The following CACNG2 variants were observed in gnomAD, a reference collection of about 807,000 sequenced individuals.
CACNG2 encodes calcium voltage-gated channel auxiliary subunit gamma 2, also known as voltage-dependent calcium channel gamma-2 subunit.
In CACNG2, 3 loss-of-function variants were observed where a neutral mutation model predicts 25.9. That is an observed-to-expected ratio of 0.12 (90% confidence interval 0.05 to 0.30). The LOEUF is 0.30. CACNG2 is among the 10% of genes least tolerant of loss of function. The pLI is 1.00. For missense variants in CACNG2, 341 were observed against 432.5 expected, an observed-to-expected ratio of 0.79 and a Z score of 1.88; for synonymous variants, 167 against 173.3, an observed-to-expected ratio of 0.96 and a Z score of 0.29.
At chr22:36,649,173 C>T (rs1029407141) in intron 1 of CACNG2, among the ~76,000 whole-genome samples, 7 of 152,212 alleles carry the variant, frequency 4.6e-5, no homozygotes, top group African/African-American at 1.7e-4. Flanking sequence ...CTCCCCCGGC[C>T]TCAATCTTCT....
intron 1 of CACNG2, among the ~76,000 whole-genome samples, chr22:36,590,583 A>G (rs1935575499): frequency 6.6e-6 from 1 of 152,064 alleles, no homozygotes; most frequent in South Asian, 2.1e-4. Flanking sequence ...CTGAGACAGC[A>G]CCGCCCACTA....
At position 36,653,039 on chromosome 22, in the gene CACNG2, G is replaced by A. The variant is rs568964351; in HGVS notation, c.211+49327C>T. 3.3e-5 allele frequency among the ~76,000 whole-genome samples: 5 copies of A among 152,082 alleles called. No individual in the cohort carries two copies. The South Asian group carries it at 6.2e-4, about 19-fold the overall frequency. ...TATTGTTGTTGTTATTTTAAAATTC[G>A]AGCCAGGTGCAGTGGCTCATGCCTG... On this transcript the variant is annotated intron_variant, in intron 1 of 3. Transcript: ENST00000300105.
chr22:36,663,112 A>G (rs1936823733), intron 1 of CACNG2, among the ~76,000 whole-genome samples: 1 of 152,060 alleles, frequency 6.6e-6, no homozygotes, highest in African/African-American at 2.4e-5. Flanking sequence ...ATGGTTTAAG[A>G]TAAGTTCTCA....
intron 2 of CACNG2, among the ~76,000 whole-genome samples, chr22:36,574,420 T>C (rs1184185702): frequency 6.6e-6 from 1 of 152,086 alleles, no homozygotes; most frequent in African/African-American, 2.4e-5. Context: ...GGTTTCAGAC[T>C]TGCCAGCTGG....
At chr22:36,657,244 G>A (rs1936720756) in intron 1 of CACNG2, among the ~76,000 whole-genome samples, 1 of 152,240 alleles carries the variant, frequency 6.6e-6, no homozygotes, top group Non-Finnish European at 1.5e-5. Flanking sequence ...GAGAGATCCA[G>A]TGGCTCTGGG....
intron 1 of CACNG2, among the ~76,000 whole-genome samples, chr22:36,595,601 TGGGTGA>T (rs1165526764): frequency 2.6e-5 from 4 of 151,034 alleles, no homozygotes; most frequent in Non-Finnish European, 4.4e-5. Context: ...GAGGGCTGGG[TGGGTGA>T]GGGTGAGGGT....
intron 1 of CACNG2, among the ~76,000 whole-genome samples, chr22:36,698,728 A>G (rs1169097254): frequency 6.6e-6 from 1 of 152,182 alleles, no homozygotes; most frequent in Non-Finnish European, 1.5e-5. Flanking sequence ...CTGGACAGAG[A>G]GTAAGATTTC....
At chr22:36,690,351 A>G (rs1363444629) in intron 1 of CACNG2, among the ~76,000 whole-genome samples, 3 of 113,398 alleles carry the variant, frequency 2.6e-5, no homozygotes, top group African/African-American at 9.6e-5. Flanking sequence ...GGGTTACAAA[A>G]ATCTTTTTTT....
Position 36,606,757 on chromosome 22 carries a change from C to CGT in CACNG2, c.212-19211_212-19210dup, listed in dbSNP as rs34178354. Among the ~76,000 whole-genome samples the CGT allele has an allele frequency of 0.17, 25,092 of 147,938 alleles. 2,309 individuals are homozygous for CGT. Among genetic ancestry groups the CGT allele is most frequent in the Non-Finnish European group, 0.22 (14,685 of 66,838 alleles). On this transcript the variant is annotated intron_variant, in intron 1 of 3. Transcript: ENST00000300105. This position sits in a 1 kb window ranked among gnomAD's most constrained non-coding sequence, Gnocchi z 5.7. Reference sequence around the variant, plus strand: ...ACGGAAACCAGACGGTTGGGCTGTGCGTGTGTGTGTGTGTGTGTGTGTATG... The same window carrying CGT: ...ACGGAAACCAGACGGTTGGGCTGTGCGTGTGTGTGTGTGTGTGTGTGTGTATG...
intron 1 of CACNG2, among the ~76,000 whole-genome samples, chr22:36,697,174 A>G (rs996347786): frequency 6.6e-6 from 1 of 152,200 alleles, no homozygotes; most frequent in Admixed American, 6.5e-5. Flanking sequence ...CCTTAGACTC[A>G]GCTACTCAGC....
At chr22:36,647,867 G>A (rs1936551725) in intron 1 of CACNG2, among the ~76,000 whole-genome samples, 1 of 118,134 alleles carries the variant, frequency 8.5e-6, no homozygotes, top group South Asian at 2.1e-4. Flanking sequence ...TTGTAGTTGT[G>A]TGTGTGTGTG....
chr22:36,583,489 A>G lies in CACNG2; in HGVS notation c.295+3976T>C, dbSNP rs546984251. 2.0e-5 allele frequency among the ~76,000 whole-genome samples: 3 copies of G among 152,306 alleles called. No homozygotes were observed. The South Asian group carries it at 6.2e-4, about 32-fold the overall frequency. On this transcript the variant is annotated intron_variant, in intron 2 of 3. Coordinates refer to ENST00000300105, the MANE Select transcript of CACNG2 (RefSeq NM_006078.5). ...TGAGGAGCTATTTGGGAACCTGGAA[A>G]ACAAGCCCCAAGTCCCTTAGGAGAT...
intron 1 of CACNG2, among the ~76,000 whole-genome samples, chr22:36,669,906 T>C (rs1414748667): frequency 6.6e-6 from 1 of 151,956 alleles, no homozygotes; most frequent in Non-Finnish European, 1.5e-5. Context: ...AGAGATGGGG[T>C]TTTGCCATGT....
At chr22:36,695,933 T>C (rs1937333910) in intron 1 of CACNG2, among the ~76,000 whole-genome samples, 1 of 152,186 alleles carries the variant, frequency 6.6e-6, no homozygotes, top group South Asian at 2.1e-4. Flanking sequence ...AGTGAAGGAA[T>C]TGTCCCATCT....
intron 1 of CACNG2, among the ~76,000 whole-genome samples, chr22:36,588,046 G>C (rs1281045015): frequency 3.3e-5 from 5 of 152,200 alleles, no homozygotes; most frequent in Non-Finnish European, 7.3e-5. Context: ...CTGCAATTCC[G>C]CACGGAATTC....
rs528783305 is a variant in CACNG2 at position 36,674,432 on chromosome 22, G to A, written c.211+27934C>T. ...CAACCTCTACCTCTTGGGCTTGAGC[G>A]ATTCTCCTGCCTCAGCCTCCTGGGT... On this transcript the variant is annotated intron_variant, in intron 1 of 3. Coordinates refer to ENST00000300105, the MANE Select transcript of CACNG2 (RefSeq NM_006078.5). Among the ~76,000 whole-genome samples the A allele has an allele frequency of 8.7e-4, 133 of 152,244 alleles. 3 individuals are homozygous for A. The highest frequency in any genetic ancestry group is 8.6e-3 in the Admixed American group (131 of 15,298).
chr22:36,650,040 A>G lies in CACNG2; in HGVS notation c.211+52326T>C, dbSNP rs534972853. Among the ~76,000 whole-genome samples, 62 of 151,434 alleles carry G rather than the reference A, an allele frequency of 4.1e-4. 2 individuals carry two copies. The South Asian group carries it at 0.012, about 30-fold the overall frequency. On this transcript the variant is annotated intron_variant, in intron 1 of 3. Transcript: ENST00000300105. Reference sequence around the variant, plus strand: ...GCTATCCCAGTCCACACCACCACCAACTCCTGCCTGGACAATGGCACTGGC... The same window carrying G: ...GCTATCCCAGTCCACACCACCACCAGCTCCTGCCTGGACAATGGCACTGGC...
intron 1 of CACNG2, among the ~76,000 whole-genome samples, chr22:36,623,631 G>C (rs1319980489): frequency 6.6e-6 from 1 of 152,156 alleles, no homozygotes; most frequent in Non-Finnish European, 1.5e-5. Flanking sequence ...GACACAGAAA[G>C]ACTGAGACTG....
At chr22:36,672,716 C>T (rs1192348769) in intron 1 of CACNG2, among the ~76,000 whole-genome samples, 1 of 152,214 alleles carries the variant, frequency 6.6e-6, no homozygotes, top group African/African-American at 2.4e-5. Flanking sequence ...CATCACCAAC[C>T]ACCACTGGAC....
Sources: gnomAD v4.1 joint callset for allele counts (sites outside exome capture counted in the v4.1 genomes callset) on GRCh38, gnomAD v4.1.1 for gene constraint, Gnocchi (gnomAD v3.1) non-coding constraint, MANE v1.5 for transcripts, NCBI Gene and HGNC (gene_info 2026-07-23, HGNC 2026-07-21) for gene names.